CCDC40: variants seen among roughly 807,000 people sequenced by gnomAD.
CCDC40 encodes the protein coiled-coil domain 40 molecular ruler complex subunit.
Under a neutral mutation model 124.5 loss-of-function variants are expected in CCDC40, and 104 were observed. The ratio of observed to expected loss-of-function variants is 0.84; its 90% CI spans 0.71 to 0.98. The LOEUF (loss-of-function observed/expected upper bound fraction) is 0.98. Ranked by LOEUF, CCDC40 falls within the 50% of genes least tolerant of loss-of-function variation. The probability of loss-of-function intolerance (pLI) is 0.00; values close to 1 mark genes in which losing one functional copy is unlikely to be tolerated. For missense variants in CCDC40, 1,463 were observed against 1,503.9 expected (o/e 0.97, Z 0.45); for synonymous variants, 580 against 602.9 (o/e 0.96, Z 0.56).
intron 5 of CCDC40, among the ~76,000 whole-genome samples, chr17:80,049,624 G>T (rs1277311365): frequency 6.6e-6 from 1 of 151,578 alleles, no homozygotes; most frequent in African/African-American, 2.4e-5. Flanking sequence ...GCACAGGGAG[G>T]TTCTCTCCCC....
chr17:80,040,143 A>C lies in CCDC40; in HGVS notation c.425A>C (p.Gln142Pro). ...GGGGAGGCTGGTCTCCAAGGCTTCC[A>C]GCAAGAGGCCACCGGTCCACCAGAA... is the stretch of plus-strand genomic sequence containing the variant. ...VSGEAGLQGF[Q>P]QEATGPPESR... Residue 142 changes from glutamine (Q) to proline (P), a missense_variant, in exon 3 of 20, where the codon CAG becomes CCG. By Grantham distance (76) the Gln-to-Pro change is moderately conservative (BLOSUM62 -1). Transcript: ENST00000397545. 1 of 1,614,138 alleles carries C rather than the reference A, an allele frequency of 6.2e-7. No individual in the cohort carries two copies. Among genetic ancestry groups the C allele is most frequent in the Non-Finnish European group, 8.5e-7 (1 of 1,179,978 alleles).
rs201104698 is a variant in CCDC40 at position 80,044,720 on chromosome 17, T to A, written c.553-2559T>A. On this transcript the variant is annotated intron_variant, in intron 3 of 19. Coordinates refer to ENST00000397545, the MANE Select transcript of CCDC40 (RefSeq NM_017950.4). ...AAACAAACAAACAAAAAAAAAAATA[T>A]ATATATATATATATATATCTCAACA... is the stretch of plus-strand genomic sequence containing the variant. Among the ~76,000 whole-genome samples the A allele has an allele frequency of 4.4e-3, 151 of 34,708 alleles. 1 individual carries two copies. Among genetic ancestry groups the A allele is most frequent in the South Asian group, 0.027 (29 of 1,064 alleles). The allele number at this position is 34,708 out of a possible 152,430, so 22.8% of individuals were successfully genotyped here.
intron 10 of CCDC40, among the ~76,000 whole-genome samples, chr17:80,069,587 TA>T (rs1333260011): frequency 6.6e-6 from 1 of 151,886 alleles, no homozygotes; most frequent in African/African-American, 2.4e-5. Flanking sequence ...CCGTCTCTAC[TA>T]AAAATACAAA....
chr17:80,060,016 A>G (rs956419484), intron 9 of CCDC40, among the ~76,000 whole-genome samples: 1 of 152,200 alleles, frequency 6.6e-6, no homozygotes, highest in African/African-American at 2.4e-5. Flanking sequence ...TCAGGAACAA[A>G]CAATCCCTTA....
intron 12 of CCDC40, among the ~76,000 whole-genome samples, chr17:80,083,812 C>T (rs750525046): frequency 6.6e-6 from 1 of 152,212 alleles, no homozygotes; most frequent in Non-Finnish European, 1.5e-5. Flanking sequence ...GGGGTCAGAA[C>T]GCATGGAGGA....
intron 7 of CCDC40, among the ~76,000 whole-genome samples, chr17:80,053,608 G>T (rs9906474): frequency 0.33 from 50,516 of 151,996 alleles, 11,200 homozygotes; most frequent in African/African-American, 0.64. Flanking sequence ...TTGTTTGTTT[G>T]TTGAGATGGA....
At chr17:80,061,346 A>G (rs2037889958) in intron 9 of CCDC40, among the ~76,000 whole-genome samples, 1 of 152,212 alleles carries the variant, frequency 6.6e-6, no homozygotes, top group South Asian at 2.1e-4. Flanking sequence ...AATCCATCTC[A>G]AAAAACAAAA....
rs1277995516 is a variant in CCDC40 at position 80,047,370 on chromosome 17, C to T, written c.644C>T (p.Ser215Leu). 1 of 1,613,478 alleles carries T rather than the reference C, an allele frequency of 6.2e-7. No individual in the cohort carries two copies. Among genetic ancestry groups the T allele is most frequent in the African/African-American group, 1.3e-5 (1 of 74,936 alleles). Residue 215 changes from serine (S) to leucine (L), a missense_variant, in exon 4 of 20, where the codon TCA becomes TTA. By Grantham distance (145) the Ser-to-Leu change is moderately radical (BLOSUM62 -2). Transcript: ENST00000397545. ...RLSHGSDIES[S>L]DLEEFVSQEP... ...AGCCACGGGAGCGACATCGAGTCCT[C>T]AGACCTGGAGGAGTTCGTCTCGCAG...
At chr17:80,067,541 C>T in intron 10 of CCDC40, 1 of 1,507,096 alleles carries the variant, frequency 6.6e-7, no homozygotes, top group Non-Finnish European at 8.9e-7. Context: ...AAAATATAAA[C>T]ACCGCTCGTT....
chr17:80,085,300 T>C (rs1293170292), intron 13 of CCDC40, among the ~76,000 whole-genome samples: 1 of 152,262 alleles, frequency 6.6e-6, no homozygotes, highest in Non-Finnish European at 1.5e-5. Flanking sequence ...AATCAGATGT[T>C]ATTCAAGGCC....
At chr17:80,093,411 G>A (rs2038753893) in intron 17 of CCDC40, among the ~76,000 whole-genome samples, 1 of 152,146 alleles carries the variant, frequency 6.6e-6, no homozygotes, top group Non-Finnish European at 1.5e-5. Context: ...TTGAACTCCT[G>A]ATCTCAGATG....
At position 80,050,285 on chromosome 17, in the gene CCDC40, T is replaced by G; in HGVS notation, c.1159+2T>G. On this transcript the variant is annotated splice_donor_variant, in intron 7 of 19. Transcript: ENST00000397545. LOFTEE classifies it high-confidence loss of function. ...CCGCCAACGAGGAGCGCAAAAAGTG[T>G]AAGGCAACCCGGCAGCCCCACACGC... is the stretch of plus-strand genomic sequence containing the variant. The G allele has an allele frequency of 6.4e-7, 1 of 1,554,696 alleles. No individual in the cohort carries two copies. The highest frequency in any genetic ancestry group is 8.7e-7 in the Non-Finnish European group (1 of 1,150,236).
chr17:80,050,352 C>G (rs2037553203), intron 7 of CCDC40, 69 bp downstream of exon 7: 1 of 1,238,498 alleles, frequency 8.1e-7, no homozygotes, highest in Non-Finnish European at 1.2e-6. Context: ...CTCCATGTAC[C>G]ATGGCCAGGC....
Position 80,087,383 on chromosome 17 carries a change from G to C in CCDC40, c.2450-224G>C. ...TCCTCTCAGTTCCGTTGGAGGACCA[G>C]GCTTTGGGAGCTTAGCAGCCAAAAA... On this transcript the variant is annotated intron_variant, in intron 14 of 19. Coordinates refer to ENST00000397545, the MANE Select transcript of CCDC40 (RefSeq NM_017950.4). The surrounding 1 kb of genome is among the most constrained non-coding windows in gnomAD (Gnocchi z 4.5). 1.7e-6 allele frequency: 1 copy of C among 587,192 alleles called. No homozygotes were observed. Among genetic ancestry groups the C allele is most frequent in the Non-Finnish European group, 3.1e-6 (1 of 326,736 alleles). 36.4% of individuals were successfully genotyped at this position (587,192 alleles called of 1,614,324 possible). A position where few individuals can be genotyped will look rare whatever the true frequency, so the allele number is the denominator to read the frequency against.
At chr17:80,072,461 T>C (rs905127100) in intron 10 of CCDC40, among the ~76,000 whole-genome samples, 10 of 152,296 alleles carry the variant, frequency 6.6e-5, no homozygotes, top group African/African-American at 2.4e-4. Context: ...CTGTATCTTT[T>C]TAAATTGGGC....
At chr17:80,080,504 T>C (rs1176760325) in intron 10 of CCDC40, among the ~76,000 whole-genome samples, 1 of 152,158 alleles carries the variant, frequency 6.6e-6, no homozygotes, top group Non-Finnish European at 1.5e-5. Context: ...GGAAAGACAA[T>C]AGAATTTGAA....
chr17:80,038,205 A>G lies in CCDC40; in HGVS notation c.93+19A>G. On this transcript the variant is annotated intron_variant, in intron 2 of 19. Coordinates refer to ENST00000397545, the MANE Select transcript of CCDC40 (RefSeq NM_017950.4). ...CCACATGGTAAAATTCCCTATGGGC[A>G]GTTATTCCGGGCTTATATTTACTAG... 2.6e-6 allele frequency: 4 copies of G among 1,515,220 alleles called. No individual in the cohort carries two copies. The highest frequency in any genetic ancestry group is 3.7e-6 in the Non-Finnish European group (4 of 1,091,950). 93.9% of individuals were successfully genotyped at this position (1,515,220 alleles called of 1,614,324 possible). A position where few individuals can be genotyped will look rare whatever the true frequency, so the allele number is the denominator to read the frequency against.
chr17:80,086,496 A>G lies in CCDC40; in HGVS notation c.2449+280A>G, dbSNP rs532950729. ...CCTTGAGAGAGGAGCATGGAAGGTT[A>G]TCATCCCCGCCAAGCCAGGGCACTC... On this transcript the variant is annotated intron_variant, in intron 14 of 19. Transcript: ENST00000397545. This position sits in a 1 kb window ranked among gnomAD's most constrained non-coding sequence, Gnocchi z 5.5. 6.9e-5 allele frequency: 29 copies of G among 420,072 alleles called. 1 individual carries two copies. Among genetic ancestry groups the G allele is most frequent in the South Asian group, 6.0e-4 (28 of 46,962 alleles). The allele number at this position is 420,072 out of a possible 1,614,324, so 26.0% of individuals were successfully genotyped here.
Position 80,050,111 on chromosome 17 carries a change from G to C in CCDC40, c.987G>C (p.Val329=). 1 of 1,613,958 alleles carries C rather than the reference G, an allele frequency of 6.2e-7. No individual in the cohort carries two copies. Among genetic ancestry groups the C allele is most frequent in the East Asian group, 2.2e-5 (1 of 44,874 alleles). The change falls in exon 7 of 20, where the codon GTG becomes GTC. Residue 329 remains valine (V), a synonymous_variant. Coordinates refer to ENST00000397545, the MANE Select transcript of CCDC40 (RefSeq NM_017950.4). ...QSRAQRQELG[V]NLYEVQQHLV... Reference sequence around the variant, plus strand: ...GAGCCCAGCGGCAGGAGCTGGGGGTGAATCTCTATGAGGTGCAGCAGCACC... The same window carrying C: ...GAGCCCAGCGGCAGGAGCTGGGGGTCAATCTCTATGAGGTGCAGCAGCACC...
Sources: gnomAD v4.1 joint callset for allele counts (sites outside exome capture counted in the v4.1 genomes callset) on GRCh38, gnomAD v4.1.1 for gene constraint, Gnocchi (gnomAD v3.1) non-coding constraint, MANE v1.5 for transcripts, NCBI Gene and HGNC (gene_info 2026-07-23, HGNC 2026-07-21) for gene names.